The following IBTK variants were observed in gnomAD, a reference collection of about 807,000 sequenced individuals.
IBTK encodes the protein inhibitor of Bruton tyrosine kinase, also known as BTK-binding protein.
A neutral mutation model predicts 154.9 loss-of-function variants in IBTK; 83 were observed. The observed-to-expected ratio is 0.54, with a 90% CI of 0.45 to 0.64. The LOEUF is 0.64. IBTK is among the 30% of genes least tolerant of loss of function. The pLI is 0.00. For synonymous variants in IBTK, 515 were observed against 536.1 expected (o/e 0.96, Z 0.54); for missense variants, 1,332 against 1,584.6 (o/e 0.84, Z 2.71).
chr6:82,247,360 AG>A (rs1474923237), intron 1 of IBTK, among the ~76,000 whole-genome samples: 1 of 152,228 alleles, frequency 6.6e-6, no homozygotes, highest in Non-Finnish European at 1.5e-5. Flanking sequence ...GGGGGGCGGT[AG>A]GGACCCTGGC....
intron 17 of IBTK, among the ~76,000 whole-genome samples, chr6:82,203,400 G>A (rs1769285431): frequency 6.6e-6 from 1 of 152,106 alleles, no homozygotes; most frequent in South Asian, 2.1e-4. Context: ...GGGAAACACA[G>A]TTGTTTTCTA....
In IBTK at chr6:82,234,209, A is replaced by T; in HGVS notation, c.368T>A (p.Leu123Ter). The T allele has an allele frequency of 6.2e-7, 1 of 1,605,962 alleles. No individual in the cohort carries two copies. The highest frequency in any genetic ancestry group is 8.5e-7 in the Non-Finnish European group (1 of 1,174,600). The change falls in exon 3 of 29, where the codon TTG (leucine) becomes TAG (stop). Residue 123 changes from leucine to a stop codon, truncating the protein, a stop_gained. Transcript: ENST00000306270. LOFTEE classifies it high-confidence loss of function. ...YIQDKEGLSA[L>*]DLVMKDRPTH... is the part of the protein sequence containing the mutation. ...TGGTCTATCCTTCATTACAAGATCC[A>T]AAGCTGACAAGCCTTCTTTATCTTG...
intron 6 of IBTK, 23 bp from the exon 7 acceptor site, chr6:82,224,208 G>T (rs370283667): frequency 9.8e-5 from 145 of 1,478,012 alleles, no homozygotes; most frequent in Middle Eastern, 3.4e-4. Context: ...AAATAAAACT[G>T]CAATTTACTA....
chr6:82,212,491 T>C (rs1191074529), intron 13 of IBTK, among the ~76,000 whole-genome samples: 2 of 152,134 alleles, frequency 1.3e-5, no homozygotes, highest in African/African-American at 2.4e-5. Flanking sequence ...TAGAAAGTCA[T>C]CGGAAAGAAA....
chr6:82,196,726 G>C (rs1190159913), intron 21 of IBTK, among the ~76,000 whole-genome samples: 1 of 152,154 alleles, frequency 6.6e-6, no homozygotes, highest in African/African-American at 2.4e-5. Flanking sequence ...TTTGGGATCT[G>C]CTCTAAAAAG....
chr6:82,237,628 G>A (rs1480851773), intron 2 of IBTK, among the ~76,000 whole-genome samples: 1 of 146,310 alleles, frequency 6.8e-6, no homozygotes, highest in Non-Finnish European at 1.5e-5. Flanking sequence ...AGTAGTAGTA[G>A]TAGCAGTAGT....
At chr6:82,174,164 T>A (rs1421154660) in intron 26 of IBTK, among the ~76,000 whole-genome samples, 1 of 152,080 alleles carries the variant, frequency 6.6e-6, no homozygotes, top group African/African-American at 2.4e-5. Context: ...TAGACAGGTT[T>A]AACAACACAA....
intron 23 of IBTK, among the ~76,000 whole-genome samples, chr6:82,193,480 C>A (rs541252648): frequency 6.6e-6 from 1 of 151,998 alleles, no homozygotes; most frequent in East Asian, 1.9e-4. Flanking sequence ...CCATGAAGCA[C>A]ATAAAATGGA....
chr6:82,212,675 C>T, intron 13 of IBTK, 32 bp downstream of exon 13: 2 of 1,398,478 alleles, frequency 1.4e-6, no homozygotes, highest in Non-Finnish European at 2.0e-6. Flanking sequence ...AAAATCCAGA[C>T]ATGAAATGTT....
At chr6:82,200,812 G>A (rs1188633386) in intron 19 of IBTK, 104 bp from the exon 20 acceptor site, 1 of 1,301,484 alleles carries the variant, frequency 7.7e-7, no homozygotes, top group South Asian at 1.6e-5. Context: ...ATGTTGGCCA[G>A]GCTGTTTGGA....
rs757667533 is a variant in IBTK, at chr6:82,181,965, CT to C, written c.3638del (p.Lys1213SerfsTer50). The stretch of plus-strand genomic sequence containing the variant: ...CGCCTGAACTATGGCTAGTAACAGA[CT>C]TTTTTTCTTCTAGTAAGAAATCCCG... ...SFRDFLLEEK[K>X]SVTSHSSGDH... On this transcript the variant is annotated frameshift_variant, in exon 26 of 29. Coordinates refer to ENST00000306270, the MANE Select transcript of IBTK (RefSeq NM_015525.4). LOFTEE classifies it high-confidence loss of function. 6.2e-6 allele frequency: 10 copies of C among 1,605,434 alleles called. No homozygotes were observed. Among genetic ancestry groups the C allele is most frequent in the South Asian group, 1.1e-5 (1 of 88,722 alleles).
At chr6:82,230,527 A>C (rs1156296797) in intron 4 of IBTK, among the ~76,000 whole-genome samples, 1 of 152,168 alleles carries the variant, frequency 6.6e-6, no homozygotes, top group African/African-American at 2.4e-5. Flanking sequence ...CCAAAAAAAG[A>C]GCTTGAAAAG....
At chr6:82,243,612 T>C (rs1771037262) in intron 1 of IBTK, among the ~76,000 whole-genome samples, 1 of 152,152 alleles carries the variant, frequency 6.6e-6, no homozygotes, top group Admixed American at 6.5e-5. Context: ...AAACATAGCA[T>C]ATATAGGGTT....
chr6:82,209,833 T>A (rs1368332843), intron 16 of IBTK, among the ~76,000 whole-genome samples: 2 of 152,222 alleles, frequency 1.3e-5, no homozygotes, highest in Non-Finnish European at 2.9e-5. Flanking sequence ...AAACTCTATC[T>A]CCTTACAAGA....
At chr6:82,227,749 A>C (rs1468191980) in intron 4 of IBTK, among the ~76,000 whole-genome samples, 4 of 152,080 alleles carry the variant, frequency 2.6e-5, no homozygotes, top group Non-Finnish European at 5.9e-5. Flanking sequence ...GTTTTCAAAA[A>C]ACAATAAAGC....
intron 7 of IBTK, 95 bp from the exon 8 acceptor site, chr6:82,223,715 T>G (rs1770184816): frequency 1.9e-6 from 2 of 1,063,384 alleles, no homozygotes; most frequent in African/African-American, 3.2e-5. Context: ...TCCCAGCACT[T>G]GGGGAGGCCA....
intron 26 of IBTK, among the ~76,000 whole-genome samples, chr6:82,181,348 A>C (rs150014401): frequency 1.0e-3 from 156 of 152,372 alleles, no homozygotes; most frequent in Middle Eastern, 6.8e-3. Context: ...AATACTATTC[A>C]GTAGTGAAAC....
chr6:82,177,270 C>T (rs544390633), intron 26 of IBTK, among the ~76,000 whole-genome samples: 22 of 152,134 alleles, frequency 1.4e-4, no homozygotes, highest in African/African-American at 3.4e-4. Context: ...AGTGCGGTGA[C>T]GTGATCCTGG....
rs770852336 is a variant in IBTK at position 82,198,219 on chromosome 6, A to G, written c.3026-1773T>C. Reference sequence around the variant, plus strand: ...AAACAAACCAAATATCTGCTTTTCCATAAGTCATTTAGGTGACTGGAAAGT... The same window carrying G: ...AAACAAACCAAATATCTGCTTTTCCGTAAGTCATTTAGGTGACTGGAAAGT... On this transcript the variant is annotated intron_variant, in intron 21 of 28. Transcript: ENST00000306270. Among the ~76,000 whole-genome samples, 18 of 152,284 alleles carry G rather than the reference A, an allele frequency of 1.2e-4. No homozygotes were observed. The South Asian group carries it at 2.1e-3, about 18-fold the overall frequency.
Sources: gnomAD v4.1 joint callset for allele counts (sites outside exome capture counted in the v4.1 genomes callset) on GRCh38, gnomAD v4.1.1 for gene constraint, MANE v1.5 for transcripts, NCBI Gene and HGNC (gene_info 2026-07-23, HGNC 2026-07-21) for gene names.